The following PDSS2 variants were observed in gnomAD, a reference collection of about 807,000 sequenced individuals.
PDSS2 encodes decaprenyl diphosphate synthase subunit 2.
PDSS2 carries 31 observed loss-of-function variants against 44.5 expected under a neutral mutation model. The ratio of observed to expected loss-of-function variants is 0.70; its 90% CI spans 0.52 to 0.94. The LOEUF (loss-of-function observed/expected upper bound fraction) is 0.94, where lower values mean the gene tolerates loss of function less well. Among genes scored for constraint, PDSS2 ranks in the 40% least tolerant of loss-of-function variants. The pLI is 0.00. For missense variants in PDSS2, 452 were observed against 482.2 expected (o/e 0.94, Z 0.59); for synonymous variants, 157 against 180.3 (o/e 0.87, Z 1.03).
intron 2 of PDSS2, among the ~76,000 whole-genome samples, chr6:107,293,846 C>A (rs1776424230): frequency 6.6e-6 from 1 of 152,130 alleles, no homozygotes; most frequent in South Asian, 2.1e-4. Flanking sequence ...ATGAAGAAGA[C>A]AAGCAGGCTT....
At chr6:107,183,376 T>G (rs1246370913) in intron 7 of PDSS2, among the ~76,000 whole-genome samples, 1 of 152,058 alleles carries the variant, frequency 6.6e-6, no homozygotes, top group Admixed American at 6.6e-5. Context: ...ATCTCCATAG[T>G]TATCACTAAA....
chr6:107,325,238 T>C (rs1244473051), intron 2 of PDSS2, among the ~76,000 whole-genome samples: 1 of 152,222 alleles, frequency 6.6e-6, no homozygotes, highest in African/African-American at 2.4e-5. Flanking sequence ...AGATTTAACT[T>C]ATAGTTATGT....
intron 6 of PDSS2, among the ~76,000 whole-genome samples, chr6:107,202,142 G>T (rs1215952008): frequency 6.6e-6 from 1 of 152,182 alleles, no homozygotes; most frequent in Non-Finnish European, 1.5e-5. Flanking sequence ...GGACTCAAGA[G>T]ATTCTCTAGC....
At chr6:107,258,795 C>T (rs1176747010) in intron 3 of PDSS2, among the ~76,000 whole-genome samples, 3 of 150,954 alleles carry the variant, frequency 2.0e-5, no homozygotes, top group Non-Finnish European at 2.9e-5. Flanking sequence ...AGTGAGACTC[C>T]GTCTCAGAAA....
chr6:107,184,364 G>A (rs6916023), intron 7 of PDSS2, among the ~76,000 whole-genome samples: 3,422 of 152,164 alleles, frequency 0.022, 130 homozygotes, highest in African/African-American at 0.076. Context: ...CTATATTCAA[G>A]GCTCAAAAAA....
At chr6:107,363,223 T>C (rs978745088) in intron 1 of PDSS2, among the ~76,000 whole-genome samples, 3 of 152,210 alleles carry the variant, frequency 2.0e-5, no homozygotes, top group Non-Finnish European at 4.4e-5. Flanking sequence ...GATATACACA[T>C]AGACACATCA....
intron 4 of PDSS2, among the ~76,000 whole-genome samples, chr6:107,225,123 CTATATATATATTTTTATATATATATATA>C (rs1336883915): frequency 1.3e-5 from 1 of 79,222 alleles, no homozygotes; most frequent in Non-Finnish European, 2.1e-5. Flanking sequence ...GGAAGCTTCA[CTATATATATATTTTTATATATATATATA>C]TATATATATA....
At chr6:107,160,271 TA>T (rs1377322116) in intron 7 of PDSS2, among the ~76,000 whole-genome samples, 2 of 152,064 alleles carry the variant, frequency 1.3e-5, no homozygotes, top group East Asian at 3.9e-4. Flanking sequence ...AAGAGTTAAT[TA>T]AGGGTAAACT....
intron 1 of PDSS2, among the ~76,000 whole-genome samples, chr6:107,437,815 T>C (rs1421267276): frequency 6.6e-6 from 1 of 152,232 alleles, no homozygotes; most frequent in Non-Finnish European, 1.5e-5. Context: ...TTGTTATTCA[T>C]GTAACATACT....
At chr6:107,336,825 G>GGTGTGTGTGTGT (rs370135734) in intron 1 of PDSS2, among the ~76,000 whole-genome samples, 3 of 106,466 alleles carry the variant, frequency 2.8e-5, no homozygotes, top group African/African-American at 1.1e-4. Context: ...AGAGGTGTGT[G>GGTGTGTGTGTGT]GTGTGTGTGT....
intron 7 of PDSS2, among the ~76,000 whole-genome samples, chr6:107,156,215 C>T (rs9372150): frequency 0.11 from 4,084 of 38,112 alleles, 177 homozygotes; most frequent in East Asian, 0.27. Flanking sequence ...TTTTTTTTTT[C>T]CTGAGATGGA....
chr6:107,179,314 A>G lies in PDSS2; in HGVS notation c.1041+14508T>C, dbSNP rs556767358. Among the ~76,000 whole-genome samples, 14 of 151,364 alleles carry G rather than the reference A, an allele frequency of 9.2e-5. No individual in the cohort carries two copies. In the South Asian group the frequency reaches 2.9e-3, roughly 32 times the overall value. ...TTTTTTTTTTTAGATGGAGTTTCACATTGTTGCCCAGGCTGGAGTGCAGTG... is the reference window on the plus strand; with the variant it reads ...TTTTTTTTTTTAGATGGAGTTTCACGTTGTTGCCCAGGCTGGAGTGCAGTG... On this transcript the variant is annotated intron_variant, in intron 7 of 7. Transcript: ENST00000369037.
chr6:107,371,929 T>G (rs1562494597), intron 1 of PDSS2, among the ~76,000 whole-genome samples: 1 of 152,194 alleles, frequency 6.6e-6, no homozygotes, highest in Non-Finnish European at 1.5e-5. Context: ...TTTTCCCAAC[T>G]TACAGGTAAA....
intron 7 of PDSS2, among the ~76,000 whole-genome samples, chr6:107,167,172 T>G (rs1698803890): frequency 6.6e-6 from 1 of 152,226 alleles, no homozygotes; most frequent in Non-Finnish European, 1.5e-5. Flanking sequence ...TATTGGTCTA[T>G]TCAGTGATTC....
At position 107,274,013 on chromosome 6, in the gene PDSS2, C is replaced by T. The variant is rs752471372; in HGVS notation, c.630+16G>A. The T allele has an allele frequency of 6.2e-7, 1 of 1,611,172 alleles. No individual in the cohort carries two copies. Among genetic ancestry groups the T allele is most frequent in the Non-Finnish European group, 8.5e-7 (1 of 1,177,522 alleles). On this transcript the variant is annotated intron_variant, in intron 3 of 7. Coordinates refer to ENST00000369037, the MANE Select transcript of PDSS2 (RefSeq NM_020381.4). Reference sequence around the variant, plus strand: ...CTGAAGCCATTCAGGTACAACAAAACCCTGCCCAATTTTACCTTGGTGTTC... The same window carrying T: ...CTGAAGCCATTCAGGTACAACAAAATCCTGCCCAATTTTACCTTGGTGTTC...
chr6:107,449,024 A>G (rs1304249674), intron 1 of PDSS2, among the ~76,000 whole-genome samples: 1 of 152,226 alleles, frequency 6.6e-6, no homozygotes, highest in South Asian at 2.1e-4. Context: ...ACAATTCAAG[A>G]GGAGATTTGG....
chr6:107,351,150 A>C (rs1778424050), intron 1 of PDSS2, among the ~76,000 whole-genome samples: 1 of 152,230 alleles, frequency 6.6e-6, no homozygotes, highest in Non-Finnish European at 1.5e-5. Flanking sequence ...AACATTATGA[A>C]GTTGAGGACA....
rs1048234395 is a variant in PDSS2 at position 107,211,600 on chromosome 6, T to G, written c.876+509A>C. 2.0e-4 allele frequency among the ~76,000 whole-genome samples: 31 copies of G among 151,802 alleles called. 1 individual carries two copies. The highest frequency in any genetic ancestry group is 1.9e-4 in the East Asian group (1 of 5,184). ...CAAAAATTAGCCAGGCGTGGTGGCA[T>G]GTGCCTGTAATCCCAGCTACTCAGG... On this transcript the variant is annotated intron_variant, in intron 5 of 7. Coordinates refer to ENST00000369037, the MANE Select transcript of PDSS2 (RefSeq NM_020381.4).
At chr6:107,187,823 G>T (rs1167507190) in intron 7 of PDSS2, among the ~76,000 whole-genome samples, 3 of 152,194 alleles carry the variant, frequency 2.0e-5, no homozygotes, top group Non-Finnish European at 4.4e-5. Flanking sequence ...GCTAGGGAGG[G>T]TGATGCAACC....
Sources: gnomAD v4.1 joint callset for allele counts (sites outside exome capture counted in the v4.1 genomes callset) on GRCh38, gnomAD v4.1.1 for gene constraint, MANE v1.5 for transcripts, NCBI Gene and HGNC (gene_info 2026-07-23, HGNC 2026-07-21) for gene names.